GREB1L: variants seen among roughly 807,000 people sequenced by gnomAD.
The protein encoded by GREB1L is GREB1-like protein.
Under a neutral mutation model 200.8 loss-of-function variants are expected in GREB1L, and 17 were observed. The ratio of observed to expected loss-of-function variants is 0.08; its 90% CI spans 0.06 to 0.13. GREB1L has a LOEUF of 0.13. Ranked by LOEUF, GREB1L falls within the 10% of genes least tolerant of loss-of-function variation. The pLI, the probability that GREB1L is intolerant of heterozygous loss-of-function variation, is 1.00. For synonymous variants in GREB1L, 789 were observed against 893.0 expected (o/e 0.88, Z 2.08); for missense variants, 1,657 against 2,367.7 (o/e 0.70, Z 6.23).
intron 6 of GREB1L, chr18:21,401,987 TG>T (rs1845543641): frequency 6.6e-6 from 1 of 152,224 alleles, no homozygotes; most frequent in Admixed American, 6.5e-5. Flanking sequence ...CTATTTTTGA[TG>T]TTTTTCCTGA....
At chr18:21,339,212 A>G (rs1335453480) in intron 1 of GREB1L, among the ~76,000 whole-genome samples, 1 of 152,080 alleles carries the variant, frequency 6.6e-6, no homozygotes. Flanking sequence ...TTATCTTATT[A>G]GAAAAGTTGA....
At chr18:21,313,857 C>G (rs145390576) in intron 1 of GREB1L, among the ~76,000 whole-genome samples, 1 of 152,356 alleles carries the variant, frequency 6.6e-6, no homozygotes, top group African/African-American at 2.4e-5. Context: ...CCAAATTACT[C>G]TGCTGTTTCC....
chr18:21,369,540 A>G (rs2039794167), intron 2 of GREB1L, among the ~76,000 whole-genome samples: 1 of 152,174 alleles, frequency 6.6e-6, no homozygotes, highest in African/African-American at 2.4e-5. Flanking sequence ...CAAAGGAAAA[A>G]CAGCATTGTA....
chr18:21,365,198 ATATTT>A (rs1004236454), intron 1 of GREB1L, among the ~76,000 whole-genome samples: 8 of 152,128 alleles, frequency 5.3e-5, no homozygotes, highest in Non-Finnish European at 1.2e-4. Context: ...TTTACTTCAA[ATATTT>A]TAGTTATATA....
At chr18:21,266,216 C>T (rs975496291) in intron 1 of GREB1L, among the ~76,000 whole-genome samples, 5 of 151,940 alleles carry the variant, frequency 3.3e-5, no homozygotes, top group African/African-American at 9.7e-5. Flanking sequence ...CAGCTGGTTA[C>T]GGTATCAAAA....
intron 31 of GREB1L, 120 bp from the exon 32 acceptor site, chr18:21,520,568 C>A: frequency 8.9e-7 from 1 of 1,129,494 alleles, no homozygotes; most frequent in Non-Finnish European, 1.3e-6. Flanking sequence ...TTGGAAAAAA[C>A]TCATCTCCTT....
rs961408874 is a variant in GREB1L at position 21,515,572 on chromosome 18, C to G, written c.5057C>G (p.Ser1686Cys). Residue 1686 changes from serine (S) to cysteine (C), a missense_variant, in exon 29 of 33, where the codon TCT becomes TGT. Transcript: ENST00000424526. ...LTSQSLKAPF[S>C]RCHVHDFILL... is the part of the protein sequence containing the mutation. ...TCTCAGAGCCTAAAGGCCCCATTCT[C>G]TAGGTGTCACGTGCATGATTTCATT... 3.9e-6 allele frequency: 6 copies of G among 1,551,600 alleles called. No homozygotes were observed. The highest frequency in any genetic ancestry group is 4.4e-6 in the Non-Finnish European group (5 of 1,147,000).
intron 1 of GREB1L, among the ~76,000 whole-genome samples, chr18:21,289,282 G>A (rs1311561098): frequency 6.6e-6 from 1 of 152,134 alleles, no homozygotes; most frequent in East Asian, 1.9e-4. Flanking sequence ...AGGTGTGGTA[G>A]CTCACGCCTG....
At chr18:21,329,030 A>G (rs1374708442) in intron 1 of GREB1L, among the ~76,000 whole-genome samples, 1 of 152,096 alleles carries the variant, frequency 6.6e-6, no homozygotes, top group Admixed American at 6.6e-5. Context: ...GACTTAAAAT[A>G]TTGTAATGGA....
intron 1 of GREB1L, among the ~76,000 whole-genome samples, chr18:21,351,730 T>C (rs938912060): frequency 9.2e-5 from 14 of 152,228 alleles, no homozygotes; most frequent in Non-Finnish European, 1.2e-4. Context: ...TTTCAAACAC[T>C]AGGTTGTGAA....
chr18:21,244,703 T>A (rs867754168), intron 1 of GREB1L, among the ~76,000 whole-genome samples: 1 of 152,154 alleles, frequency 6.6e-6, no homozygotes, highest in African/African-American at 2.4e-5. Context: ...ATATCCCTGC[T>A]CTTACGAGTT....
intron 2 of GREB1L, among the ~76,000 whole-genome samples, chr18:21,376,600 G>A (rs2040081887): frequency 6.6e-6 from 1 of 151,108 alleles, no homozygotes; most frequent in Non-Finnish European, 1.5e-5. Flanking sequence ...GTCCGGAGAT[G>A]GAGACCATCC....
chr18:21,432,711 T>TTTC (rs2033256711), intron 7 of GREB1L, among the ~76,000 whole-genome samples: 1 of 141,992 alleles, frequency 7.0e-6, no homozygotes, highest in Non-Finnish European at 1.5e-5. Context: ...TTTTCTTTTT[T>TTTC]TTTTTTTTTT....
At chr18:21,498,371 ACT>A (rs985691944) in intron 21 of GREB1L, among the ~76,000 whole-genome samples, 1 of 151,188 alleles carries the variant, frequency 6.6e-6, no homozygotes, top group African/African-American at 2.4e-5. Context: ...CATGTGGACC[ACT>A]CTGCCTGCCT....
chr18:21,290,535 C>T (rs984202602), intron 1 of GREB1L, among the ~76,000 whole-genome samples: 10 of 152,008 alleles, frequency 6.6e-5, no homozygotes, highest in African/African-American at 2.4e-4. Flanking sequence ...TTAAGATAGA[C>T]TATCTCACCA....
At chr18:21,419,373 G>T (rs4800664) in intron 7 of GREB1L, among the ~76,000 whole-genome samples, 49,487 of 152,106 alleles carry the variant, frequency 0.33, 11,118 homozygotes, top group African/African-American at 0.6. Context: ...AACATTGCAG[G>T]ATACAGGAGC....
intron 1 of GREB1L, among the ~76,000 whole-genome samples, chr18:21,246,457 T>G (rs1186681583): frequency 1.3e-5 from 2 of 152,214 alleles, no homozygotes; most frequent in Non-Finnish European, 2.9e-5. Flanking sequence ...ATTTAATCAG[T>G]GTAACATTTT....
chr18:21,308,527 C>T (rs1190276212), intron 1 of GREB1L, among the ~76,000 whole-genome samples: 1 of 152,210 alleles, frequency 6.6e-6, no homozygotes, highest in Non-Finnish European at 1.5e-5. Flanking sequence ...GTCATTGGTC[C>T]ATAGGGAGCT....
chr18:21,266,017 G>A (rs114204666), intron 1 of GREB1L, among the ~76,000 whole-genome samples: 1,680 of 152,264 alleles, frequency 0.011, 25 homozygotes, highest in African/African-American at 0.034. Flanking sequence ...TATTAAAAAT[G>A]TATCAGGAGG....
Sources: gnomAD v4.1 joint callset for allele counts (sites outside exome capture counted in the v4.1 genomes callset) on GRCh38, gnomAD v4.1.1 for gene constraint, MANE v1.5 for transcripts, NCBI Gene and HGNC (gene_info 2026-07-23, HGNC 2026-07-21) for gene names.